CFAP61: variants seen among roughly 807,000 people sequenced by gnomAD.
CFAP61 encodes cilia and flagella associated protein 61.
CFAP61 carries 107 observed loss-of-function variants against 135.6 expected under a neutral mutation model. The observed-to-expected ratio is 0.79, with a 90% confidence interval of 0.67 to 0.93. The LOEUF (loss-of-function observed/expected upper bound fraction) is 0.93. CFAP61 is among the 40% of genes least tolerant of loss of function. The pLI is 0.00. For synonymous variants in CFAP61, 575 were observed against 578.5 expected (o/e 0.99, Z 0.09); for missense variants, 1,507 against 1,556.2 (o/e 0.97, Z 0.53).
At chr20:20,179,985 T>C (rs1181071970) in intron 13 of CFAP61, among the ~76,000 whole-genome samples, 1 of 152,138 alleles carries the variant, frequency 6.6e-6, no homozygotes, top group East Asian at 1.9e-4. Context: ...ATGATGAAGA[T>C]GCCAAAAGCA....
rs542183398 is a variant in CFAP61 at position 20,305,104 on chromosome 20, T to TCGCGCC, written c.3422+6725_3422+6730dup. Among the ~76,000 whole-genome samples, 351 of 150,152 alleles carry TCGCGCC rather than the reference T, an allele frequency of 2.3e-3. 4 individuals are homozygous for TCGCGCC. The highest frequency in any genetic ancestry group is 0.016 in the South Asian group (73 of 4,708). On this transcript the variant is annotated intron_variant, in intron 25 of 26. Transcript: ENST00000245957. ...AGACTGCCCTCAGACAGCCCGGCCC[T>TCGCGCC]CGCGCCCGCGCCACCACCGCCTCCA... is the stretch of plus-strand genomic sequence containing the variant.
At chr20:20,105,187 C>T (rs1446158604) in intron 8 of CFAP61, among the ~76,000 whole-genome samples, 3 of 152,108 alleles carry the variant, frequency 2.0e-5, no homozygotes, top group African/African-American at 7.2e-5. Flanking sequence ...GCCGCACCCA[C>T]CCAACCTTCT....
chr20:20,253,316 G>GT (rs752681326), intron 20 of CFAP61: 11 of 163,928 alleles, frequency 6.7e-5, no homozygotes, highest in Non-Finnish European at 1.4e-4. Context: ...TTCCTGTGCC[G>GT]TAAGTTTCCA....
Position 20,279,852 on chromosome 20 carries a change from A to G in CFAP61, c.2796+2394A>G, listed in dbSNP as rs570991557. ...CAGGTTCCATTATTCTCTGATTTTC[A>G]TCTCTATTTGAACAATAGTTTGTAC... On this transcript the variant is annotated intron_variant, in intron 22 of 26. Coordinates refer to ENST00000245957, the MANE Select transcript of CFAP61 (RefSeq NM_015585.4). Among the ~76,000 whole-genome samples, 15 of 152,164 alleles carry G rather than the reference A, an allele frequency of 9.9e-5. 1 individual carries two copies. The South Asian group carries it at 3.1e-3, about 32-fold the overall frequency.
rs116775353 is a variant in CFAP61, at chr20:20,196,645, G to A, written c.1666G>A (p.Gly556Arg). 122 of 1,614,056 alleles carry A rather than the reference G, an allele frequency of 7.6e-5. No homozygotes were observed. The East Asian group carries it at 1.6e-3, about 22-fold the overall frequency. Residue 556 changes from glycine (G) to arginine (R), a missense_variant, in exon 16 of 27, where the codon GGG becomes AGG. By Grantham distance (125) the Gly-to-Arg change is moderately radical. Coordinates refer to ENST00000245957, the MANE Select transcript of CFAP61 (RefSeq NM_015585.4). ...CAGTCACCACCAGCGCGAAGAACAC[G>A]GGCACATGCATCACTTTGCCCTCAA... ...YFSHHQREEH[G>R]HMHHFALNPI...
chr20:20,283,060 T>G (rs2054318521), intron 22 of CFAP61, among the ~76,000 whole-genome samples: 1 of 152,242 alleles, frequency 6.6e-6, no homozygotes, highest in Non-Finnish European at 1.5e-5. Context: ...GTTAGTTCAA[T>G]ATGGTTGACG....
intron 25 of CFAP61, among the ~76,000 whole-genome samples, chr20:20,332,889 T>C (rs762064608): frequency 2.6e-5 from 4 of 152,218 alleles, no homozygotes; most frequent in Non-Finnish European, 5.9e-5. Flanking sequence ...AGCACTGAGA[T>C]TACAGGCATG....
At chr20:20,269,166 T>TGTATGTATATATAC (rs2053096221) in intron 21 of CFAP61, among the ~76,000 whole-genome samples, 1 of 67,256 alleles carries the variant, frequency 1.5e-5, no homozygotes, top group Non-Finnish European at 3.5e-5. Flanking sequence ...CACACACACA[T>TGTATGTATATATAC]ACATATATGT....
rs2056303229 is a variant in CFAP61 at position 20,196,562 on chromosome 20, T to C, written c.1591-8T>C. The stretch of plus-strand genomic sequence containing the variant: ...TTGTAGAAACCATCCCTTCTGTCTC[T>C]TCTGTAGGACATTGAGTACATACGG... On this transcript the variant is annotated splice_region_variant and splice_polypyrimidine_tract_variant and intron_variant, in intron 15 of 26. Coordinates refer to ENST00000245957, the MANE Select transcript of CFAP61 (RefSeq NM_015585.4). 3.1e-6 allele frequency: 5 copies of C among 1,602,974 alleles called. No individual in the cohort carries two copies. Among genetic ancestry groups the C allele is most frequent in the Non-Finnish European group, 4.3e-6 (5 of 1,169,838 alleles).
rs1025738178 is a variant in CFAP61, at chr20:20,124,117, A to T, written c.860-18740A>T. On this transcript the variant is annotated intron_variant, in intron 8 of 26. Coordinates refer to ENST00000245957, the MANE Select transcript of CFAP61 (RefSeq NM_015585.4). ...TCCAGAAGGTTTGCTGAATTCTTTTATCAGTTCTAGGAGCTTTTTGGAAGA... is the reference window on the plus strand; with the variant it reads ...TCCAGAAGGTTTGCTGAATTCTTTTTTCAGTTCTAGGAGCTTTTTGGAAGA... 9.3e-5 allele frequency among the ~76,000 whole-genome samples: 14 copies of T among 150,392 alleles called. 1 individual carries two copies. Among genetic ancestry groups the T allele is most frequent in the African/African-American group, 3.5e-4 (14 of 40,462 alleles).
intron 8 of CFAP61, among the ~76,000 whole-genome samples, chr20:20,113,966 C>CAAAAAAA (rs11456473): frequency 3.2e-5 from 3 of 94,560 alleles, no homozygotes; most frequent in Non-Finnish European, 4.1e-5. Context: ...CATGAGAGCT[C>CAAAAAAA]AAAAAAAAAA....
intron 14 of CFAP61, 121 bp from the exon 15 acceptor site, chr20:20,191,221 G>T: frequency 4.6e-6 from 3 of 656,688 alleles, no homozygotes; most frequent in Non-Finnish European, 7.8e-6. Context: ...GCCAAAAGTA[G>T]GTGTTGATAG....
chr20:20,134,031 A>G (rs1018108229), intron 8 of CFAP61, among the ~76,000 whole-genome samples: 1 of 152,218 alleles, frequency 6.6e-6, no homozygotes, highest in Admixed American at 6.5e-5. Flanking sequence ...TTAGGAACAT[A>G]GTCTAGTATG....
chr20:20,268,031 T>C (rs1191238171), intron 21 of CFAP61, among the ~76,000 whole-genome samples: 2 of 152,236 alleles, frequency 1.3e-5, no homozygotes, highest in Non-Finnish European at 2.9e-5. Flanking sequence ...GTTTGAAAAG[T>C]CGCATGGAGC....
intron 8 of CFAP61, among the ~76,000 whole-genome samples, chr20:20,124,508 T>A (rs192364171): frequency 6.6e-6 from 1 of 152,066 alleles, no homozygotes; most frequent in Admixed American, 6.5e-5. Context: ...GTTTGATTTT[T>A]GTTTTTAATT....
At chr20:20,289,023 G>A in intron 23 of CFAP61, 87 bp downstream of exon 23, 1 of 1,102,062 alleles carries the variant, frequency 9.1e-7, no homozygotes, top group Non-Finnish European at 1.3e-6. Context: ...TTTCTCTTAG[G>A]CTTGGGGAAA....
At chr20:20,267,040 A>G (rs1455814712) in intron 21 of CFAP61, among the ~76,000 whole-genome samples, 1 of 152,198 alleles carries the variant, frequency 6.6e-6, no homozygotes, top group Non-Finnish European at 1.5e-5. Flanking sequence ...AGTTGAGGAT[A>G]TCAGTCTCTA....
chr20:20,193,432 TTTCTC>T lies in CFAP61; in HGVS notation c.1590+2016_1590+2020del, dbSNP rs150431135. Among the ~76,000 whole-genome samples, 4 of 152,024 alleles carry T rather than the reference TTTCTC, an allele frequency of 2.6e-5. No individual in the cohort carries two copies. In the East Asian group the frequency reaches 5.8e-4, roughly 22 times the overall value. On this transcript the variant is annotated intron_variant, in intron 15 of 26. Coordinates refer to ENST00000245957, the MANE Select transcript of CFAP61 (RefSeq NM_015585.4). ...TTATTTCTTTAATATATTACACACTTTTCTCTTTCTTAGATTTATTGCACTTTTTG... is the reference window on the plus strand; with the variant it reads ...TTATTTCTTTAATATATTACACACTTTTTCTTAGATTTATTGCACTTTTTG...
chr20:20,122,329 T>C (rs6112773), intron 8 of CFAP61, among the ~76,000 whole-genome samples: 46,584 of 151,912 alleles, frequency 0.31, 7,272 homozygotes, highest in Non-Finnish European at 0.33. Flanking sequence ...CTAATTTTTG[T>C]ATTTTTTAGC....
Sources: allele counts gnomAD v4.1 joint callset (sites outside exome capture counted in the v4.1 genomes callset), GRCh38; gene constraint gnomAD v4.1.1; transcripts MANE v1.5; gene names NCBI Gene and HGNC (gene_info 2026-07-23, HGNC 2026-07-21).